GOLGA6L2: variants seen among roughly 807,000 people sequenced by gnomAD.
The protein encoded by GOLGA6L2 is golgin A6 family like 2.
Under a neutral mutation model 35.9 loss-of-function variants are expected in GOLGA6L2, and 30 were observed. The observed-to-expected ratio is 0.83, with a 90% confidence interval of 0.62 to 1.13. The LOEUF is 1.13. GOLGA6L2 is among the 50% of genes most tolerant of loss of function. The pLI, the probability that GOLGA6L2 is intolerant of heterozygous loss-of-function variation, is 0.00. For synonymous variants in GOLGA6L2, 297 were observed against 344.0 expected, an observed-to-expected ratio of 0.86 and a Z score of 1.51; for missense variants, 821 against 973.4, an observed-to-expected ratio of 0.84 and a Z score of 2.08.
chr15:23,444,465 C>T lies in GOLGA6L2; in HGVS notation c.243+6G>A, dbSNP rs148000562. The T allele has an allele frequency of 1.6e-4, 253 of 1,600,540 alleles. No individual in the cohort carries two copies. In the African/African-American group the frequency reaches 2.1e-3, roughly 13 times the overall value. ...AGTCATGTCGTGAGCAAACAAATCACGTTACTTCTTTCAGCTGCGCTCGGT... is the reference window on the plus strand; with the variant it reads ...AGTCATGTCGTGAGCAAACAAATCATGTTACTTCTTTCAGCTGCGCTCGGT... On this transcript the variant is annotated splice_donor_region_variant and intron_variant, in intron 3 of 7. Coordinates refer to ENST00000567107, the MANE Select transcript of GOLGA6L2 (RefSeq NM_001304388.2).
In GOLGA6L2 at chr15:23,443,896, A is replaced by T; in HGVS notation, c.472T>A (p.Ser158Thr). 3 of 1,543,862 alleles carry T rather than the reference A, an allele frequency of 1.9e-6. No homozygotes were observed. The highest frequency in any genetic ancestry group is 2.6e-6 in the Non-Finnish European group (3 of 1,151,160). ...TCCTTGGACTCTCCTGGAATGAGAG[A>T]GGTTGAGACACAGCCCAAAGGACTC... ...RGSPLGCVSTSLIPGESKDLA... is the reference protein window; with the variant it reads ...RGSPLGCVSTTLIPGESKDLA... The change falls in exon 5 of 8, where the codon TCT becomes ACT. Residue 158 changes from serine (S) to threonine (T), a missense_variant. Physicochemically the swap from Ser to Thr is moderately conservative, Grantham distance 58. Around this residue, in one of 7 missense-constraint regions of GOLGA6L2, gnomAD observed 614 missense variants for 632.3 expected, o/e 0.97. Transcript: ENST00000567107.
At chr15:23,443,698 C>T in intron 5 of GOLGA6L2, 79 bp downstream of exon 5, 1 of 1,127,548 alleles carries the variant, frequency 8.9e-7, no homozygotes, top group Non-Finnish European at 1.3e-6. Flanking sequence ...ACACTGCATC[C>T]TGCAGGAGGG....
At chr15:23,441,950 C>T (rs1297420473) in intron 7 of GOLGA6L2, 29 bp downstream of exon 7, 1 of 1,538,496 alleles carries the variant, frequency 6.5e-7, no homozygotes. Context: ...GATGGGTCTC[C>T]CACAACCCCT....
chr15:23,444,845 G>A (rs1886744470), intron 2 of GOLGA6L2, among the ~76,000 whole-genome samples: 1 of 151,862 alleles, frequency 6.6e-6, no homozygotes, highest in Non-Finnish European at 1.5e-5. Context: ...TAGGGGCCGG[G>A]GACGGTTCTT....
In GOLGA6L2 at chr15:23,444,178, A is replaced by G. The variant is rs554412596; in HGVS notation, c.278T>C (p.Leu93Pro). Residue 93 changes from leucine (L) to proline (P), a missense_variant, in exon 4 of 8, where the codon CTA (leucine) becomes CCA (proline). By Grantham distance (98) the Leu-to-Pro change is moderately conservative. Transcript: ENST00000567107. ...KKASHQHQEA[L>P]RREIEAQDHT... ...TCCACTCACCTCTATCTCCCGCCTTAGGGCTTCCTGATGTTGGTGGCTTGC... is the reference window on the plus strand; with the variant it reads ...TCCACTCACCTCTATCTCCCGCCTTGGGGCTTCCTGATGTTGGTGGCTTGC... 278 of 1,604,742 alleles carry G rather than the reference A, an allele frequency of 1.7e-4. 1 individual carries two copies. The African/African-American group carries it at 3.3e-3, about 19-fold the overall frequency.
intron 1 of GOLGA6L2, 119 bp downstream of exon 1, chr15:23,446,979 C>CT: frequency 1.7e-6 from 1 of 573,866 alleles, no homozygotes; most frequent in South Asian, 2.0e-5. Flanking sequence ...CCCAGCGGCA[C>CT]TGGGGGGGAC....
chr15:23,441,431 C>T lies in GOLGA6L2; in HGVS notation c.1044G>A (p.Glu348=), dbSNP rs192811250. ...TCTTCTCCTCCTGCTCCTGCATCTG[C>T]TCCTCCTGCTCCCGCAGCTTCTTCT... The part of the protein sequence containing the change: ...REQKKLREQE[E]QMQEQEEKMW... Residue 348 remains glutamate (E), a synonymous_variant, in exon 8 of 8, where the codon GAG becomes GAA. Transcript: ENST00000567107. 13,518 of 1,428,556 alleles carry T rather than the reference C, an allele frequency of 9.5e-3. 70 individuals carry two copies. The highest frequency in any genetic ancestry group is 0.012 in the Non-Finnish European group (12,368 of 1,067,706). The allele number at this position is 1,428,556 out of a possible 1,614,324, so 88.5% of individuals were successfully genotyped here. A position where few individuals can be genotyped will look rare whatever the true frequency, so the allele number is the denominator to read the frequency against.
chr15:23,446,932 G>C (rs1487544117), intron 1 of GOLGA6L2, among the ~76,000 whole-genome samples, 166 bp downstream of exon 1: 2 of 152,058 alleles, frequency 1.3e-5, no homozygotes, highest in East Asian at 1.9e-4. Flanking sequence ...GACTGCTGAG[G>C]GGGTGGGGCT....
chr15:23,441,706 A>G, intron 7 of GOLGA6L2, 24 bp from the exon 8 acceptor site: 1 of 1,462,836 alleles, frequency 6.8e-7, no homozygotes, highest in Non-Finnish European at 9.0e-7. Flanking sequence ...AGACTTATGA[A>G]CTAGCTATAT....
chr15:23,444,172 C>T lies in GOLGA6L2; in HGVS notation c.284G>A (p.Arg95Gln), dbSNP rs762579164. The T allele has an allele frequency of 2.3e-5, 37 of 1,604,288 alleles. No individual in the cohort carries two copies. The African/African-American group carries it at 2.4e-4, about 10-fold the overall frequency. The change falls in exon 4 of 8, where the codon CGG becomes CAG. Residue 95 changes from arginine (R) to glutamine (Q), a missense_variant. Around this residue, in one of 7 missense-constraint regions of GOLGA6L2, gnomAD observed 614 missense variants for 632.3 expected, o/e 0.97. Coordinates refer to ENST00000567107, the MANE Select transcript of GOLGA6L2 (RefSeq NM_001304388.2). Reference sequence around the variant, plus strand: ...ACACCCTCCACTCACCTCTATCTCCCGCCTTAGGGCTTCCTGATGTTGGTG... The same window carrying T: ...ACACCCTCCACTCACCTCTATCTCCTGCCTTAGGGCTTCCTGATGTTGGTG... ...ASHQHQEALRREIEAQDHTIR... is the reference protein window; with the variant it reads ...ASHQHQEALRQEIEAQDHTIR...
At position 23,441,209 on chromosome 15, in the gene GOLGA6L2, C is replaced by T. The variant is rs1182712296; in HGVS notation, c.1266G>A (p.Gln422=). The T allele has an allele frequency of 1.3e-6, 2 of 1,540,206 alleles. No individual in the cohort carries two copies. The highest frequency in any genetic ancestry group is 1.4e-5 in the African/African-American group (1 of 72,690). ...TCTTCTCCTCCCGCATCTTCTCCAC[C>T]TGCTCCCACATCTTCTCCTGCTCCC... ...RMREQEKMWE[Q]VEKMREEKKM... is the part of the protein sequence containing the mutation. The change falls in exon 8 of 8, where the codon CAG becomes CAA. Residue 422 remains glutamine, a synonymous_variant. Coordinates refer to ENST00000567107, the MANE Select transcript of GOLGA6L2 (RefSeq NM_001304388.2).
intron 5 of GOLGA6L2, 83 bp from the exon 6 acceptor site, chr15:23,442,591 C>A: frequency 7.9e-7 from 1 of 1,266,326 alleles, no homozygotes; most frequent in Non-Finnish European, 1.1e-6. Flanking sequence ...CACTGATACT[C>A]CACAGTAACA....
At chr15:23,446,513 G>T (rs561828579) in intron 1 of GOLGA6L2, among the ~76,000 whole-genome samples, 1 of 152,320 alleles carries the variant, frequency 6.6e-6, no homozygotes, top group African/African-American at 2.4e-5. Context: ...ACAGTTCCTA[G>T]AGGGACTGTG....
In GOLGA6L2 at chr15:23,446,668, G is replaced by A. The variant is rs551726625; in HGVS notation, c.84+430C>T. 2.0e-4 allele frequency among the ~76,000 whole-genome samples: 31 copies of A among 152,278 alleles called. 1 individual carries two copies. The South Asian group carries it at 2.3e-3, about 11-fold the overall frequency. The stretch of plus-strand genomic sequence containing the variant: ...GAGACGTGAGCCCAAAGAGCCCAGG[G>A]AGGTAGGGCTTGGGGCGACGGGAGG... On this transcript the variant is annotated intron_variant, in intron 1 of 7. Transcript: ENST00000567107.
chr15:23,443,682 G>A (rs1233574971), intron 5 of GOLGA6L2, 95 bp downstream of exon 5: 3 of 995,472 alleles, frequency 3.0e-6, no homozygotes, highest in Admixed American at 2.0e-5. Context: ...CTATCTTCTG[G>A]GCAGGACACT....
chr15:23,445,603 T>TA (rs1377073326), intron 1 of GOLGA6L2, among the ~76,000 whole-genome samples, 165 bp from the exon 2 acceptor site: 3 of 151,322 alleles, frequency 2.0e-5, no homozygotes, highest in Non-Finnish European at 4.4e-5. Context: ...ATACCATGGC[T>TA]AAAAAAAAGG....
In GOLGA6L2 at chr15:23,444,205, T is replaced by C. The variant is rs2070731901; in HGVS notation, c.251A>G (p.Lys84Arg). 1 of 1,604,160 alleles carries C rather than the reference T, an allele frequency of 6.2e-7. No homozygotes were observed. The highest frequency in any genetic ancestry group is 8.5e-7 in the Non-Finnish European group (1 of 1,178,692). Residue 84 changes from lysine (K) to arginine (R), a missense_variant, in exon 4 of 8, where the codon AAG becomes AGG. This residue lies in a region of GOLGA6L2 where 614 missense variants were observed against 632.3 expected (regional missense o/e 0.97). Coordinates refer to ENST00000567107, the MANE Select transcript of GOLGA6L2 (RefSeq NM_001304388.2). The stretch of plus-strand genomic sequence containing the variant: ...GGCTTCCTGATGTTGGTGGCTTGCC[T>C]TCTTTTCCTATAGAAAGAGGAAGAC... ...QNRAQLKEEKKASHQHQEALR... is the reference protein window; with the variant it reads ...QNRAQLKEEKRASHQHQEALR...
At position 23,442,516 on chromosome 15, in the gene GOLGA6L2, T is replaced by C. The variant is rs2070706668; in HGVS notation, c.592-8A>G. 1.3e-6 allele frequency: 2 copies of C among 1,588,100 alleles called. No individual in the cohort carries two copies. Among genetic ancestry groups the C allele is most frequent in the Non-Finnish European group, 1.7e-6 (2 of 1,174,320 alleles). ...TGTTAACTCCTCGATGTACTGCAAA[T>C]AGAGAAAGGTTAAGTCAGGACAGAG... On this transcript the variant is annotated splice_region_variant and splice_polypyrimidine_tract_variant and intron_variant, in intron 5 of 7. Coordinates refer to ENST00000567107, the MANE Select transcript of GOLGA6L2 (RefSeq NM_001304388.2).
intron 5 of GOLGA6L2, among the ~76,000 whole-genome samples, chr15:23,443,438 C>T (rs1596041242): frequency 1.3e-5 from 2 of 151,978 alleles, no homozygotes; most frequent in South Asian, 2.1e-4. Context: ...TCTCTCTACA[C>T]AAATGGTAAC....
Sources: gnomAD v4.1 joint callset for allele counts (sites outside exome capture counted in the v4.1 genomes callset) on GRCh38, gnomAD v4.1.1 for gene constraint, gnomAD v4.1.1 regional missense constraint, MANE v1.5 for transcripts, NCBI Gene and HGNC (gene_info 2026-07-23, HGNC 2026-07-21) for gene names.